CREB5: variants seen among roughly 807,000 people sequenced by gnomAD.
The protein encoded by CREB5 is cyclic AMP-responsive element-binding protein 5.
Under a neutral mutation model 57.1 loss-of-function variants are expected in CREB5, and 19 were observed. The observed-to-expected ratio is 0.33, with a 90% CI of 0.23 to 0.49. CREB5 has a LOEUF of 0.49. Ranked by LOEUF, CREB5 falls within the 20% of genes least tolerant of loss-of-function variation. The pLI, the probability that CREB5 is intolerant of heterozygous loss-of-function variation, is 0.99. For missense variants in CREB5, 579 were observed against 671.6 expected (o/e 0.86, Z 1.52); for synonymous variants, 238 against 238.3 (o/e 1.00, Z 0.01).
chr7:28,765,505 C>T (rs889686382), intron 7 of CREB5, among the ~76,000 whole-genome samples: 5 of 152,094 alleles, frequency 3.3e-5, no homozygotes, highest in African/African-American at 9.7e-5. Flanking sequence ...GCCACAAAAC[C>T]ACATTTGCCT....
intron 4 of CREB5, among the ~76,000 whole-genome samples, chr7:28,558,488 A>C: frequency 6.6e-6 from 1 of 152,214 alleles, no homozygotes; most frequent in East Asian, 1.9e-4. Flanking sequence ...TGGAAGAGGA[A>C]GTCTAACTTG....
At chr7:28,608,764 T>C (rs1263722956) in intron 5 of CREB5, among the ~76,000 whole-genome samples, 1 of 152,196 alleles carries the variant, frequency 6.6e-6, no homozygotes, top group East Asian at 1.9e-4. Flanking sequence ...GGTTGACATG[T>C]GTTGATATAT....
intron 5 of CREB5, among the ~76,000 whole-genome samples, chr7:28,642,985 C>CACACAA (rs1562544740): frequency 1.8e-5 from 2 of 108,688 alleles, no homozygotes; most frequent in East Asian, 5.9e-4. Context: ...CACACACACA[C>CACACAA]ATACACACAC....
chr7:28,338,346 GTCTT>G (rs1232129781), intron 1 of CREB5, among the ~76,000 whole-genome samples: 2 of 152,126 alleles, frequency 1.3e-5, no homozygotes, highest in Non-Finnish European at 2.9e-5. Context: ...ATCTGGGAAA[GTCTT>G]TATTTCTCCT....
intron 4 of CREB5, among the ~76,000 whole-genome samples, chr7:28,563,607 C>T (rs1795363966): frequency 6.6e-6 from 1 of 152,194 alleles, no homozygotes; most frequent in African/African-American, 2.4e-5. Context: ...CTCACTGCAG[C>T]CCCAACCTCC....
Position 28,448,690 on chromosome 7 carries a change from A to C in CREB5, c.3+35773A>C, listed in dbSNP as rs565351754. 2.6e-5 allele frequency among the ~76,000 whole-genome samples: 4 copies of C among 152,344 alleles called. No individual in the cohort carries two copies. The South Asian group carries it at 6.2e-4, about 24-fold the overall frequency. On this transcript the variant is annotated intron_variant, in intron 1 of 10. Transcript: ENST00000357727. ...AGAACATGTAAGGCCTGAATATTTT[A>C]GTCTCTGCAGGGGTAGATGGAGTCA...
chr7:28,311,762 TG>T (rs770047287), intron 1 of CREB5, among the ~76,000 whole-genome samples: 2 of 152,226 alleles, frequency 1.3e-5, no homozygotes, highest in African/African-American at 2.4e-5. Context: ...TGGACTTCCG[TG>T]GCTTGTCATT....
intron 5 of CREB5, among the ~76,000 whole-genome samples, chr7:28,696,808 A>G (rs1801593392): frequency 6.6e-6 from 1 of 152,054 alleles, no homozygotes; most frequent in East Asian, 1.9e-4. Flanking sequence ...ACGTATATAT[A>G]CACATACGTA....
intron 5 of CREB5, among the ~76,000 whole-genome samples, chr7:28,614,623 T>C (rs576725757): frequency 1.3e-5 from 2 of 152,328 alleles, no homozygotes; most frequent in African/African-American, 4.8e-5. Flanking sequence ...AATTCTTTCC[T>C]AGCTTCCAGC....
At position 28,822,203 on chromosome 7, in the gene CREB5, G is replaced by A. The variant is rs1345316253; in HGVS notation, c.*2924G>A. ...TGTTCTACTCAGGGCCTTTAGGTGT[G>A]TTCATTCACGGTATGGAAATACAGT... On this transcript the variant is annotated 3_prime_UTR_variant, in exon 11 of 11. Transcript: ENST00000357727. The A allele has an allele frequency of 1.3e-5, 2 of 152,214 alleles. No individual in the cohort carries two copies. Among genetic ancestry groups the A allele is most frequent in the African/African-American group, 4.8e-5 (2 of 41,450 alleles). The allele number at this position is 152,214 out of a possible 1,614,324, so 9.4% of individuals were successfully genotyped here.
In CREB5 at chr7:28,481,272, G is replaced by T. The variant is rs557539757; in HGVS notation, c.4-6903G>T. Among the ~76,000 whole-genome samples the T allele has an allele frequency of 2.6e-4, 39 of 152,342 alleles. No homozygotes were observed. The Middle Eastern group carries it at 0.01, about 40-fold the overall frequency. Reference sequence around the variant, plus strand: ...TATAAAGTGTGACGCAATCCCAAAGGGGGCTGTGATTCAGGTTGTAGGATT... The same window carrying T: ...TATAAAGTGTGACGCAATCCCAAAGTGGGCTGTGATTCAGGTTGTAGGATT... On this transcript the variant is annotated intron_variant, in intron 1 of 10. Coordinates refer to ENST00000357727, the MANE Select transcript of CREB5 (RefSeq NM_182898.4).
At chr7:28,321,175 A>G (rs1785489339) in intron 1 of CREB5, among the ~76,000 whole-genome samples, 1 of 152,346 alleles carries the variant, frequency 6.6e-6, no homozygotes, top group Admixed American at 6.5e-5. Context: ...GTGTTGTGAA[A>G]GTATTAGCTT....
chr7:28,538,522 A>T (rs2128626559), intron 4 of CREB5, among the ~76,000 whole-genome samples: 1 of 152,172 alleles, frequency 6.6e-6, no homozygotes, highest in East Asian at 1.9e-4. Context: ...GGGGTTGATC[A>T]ATTTTATTAG....
chr7:28,300,784 C>A (rs1418628111), intron 1 of CREB5, among the ~76,000 whole-genome samples: 1 of 152,174 alleles, frequency 6.6e-6, no homozygotes, highest in African/African-American at 2.4e-5. Context: ...CTTGGCTGCA[C>A]ATTAAACTCT....
intron 1 of CREB5, among the ~76,000 whole-genome samples, chr7:28,389,512 T>G (rs1439626428): frequency 2.0e-5 from 3 of 152,188 alleles, no homozygotes; most frequent in African/African-American, 7.2e-5. Context: ...TTTCTTCAAT[T>G]TAATCTTGTC....
chr7:28,720,192 G>A (rs1802947794), intron 6 of CREB5, among the ~76,000 whole-genome samples: 1 of 152,210 alleles, frequency 6.6e-6, no homozygotes, highest in Non-Finnish European at 1.5e-5. Flanking sequence ...GAAGATGGCT[G>A]GTGTATTCAC....
At position 28,496,506 on chromosome 7, in the gene CREB5, G is replaced by A. The variant is rs533798741; in HGVS notation, c.169+1507G>A. Among the ~76,000 whole-genome samples the A allele has an allele frequency of 5.4e-4, 82 of 152,232 alleles. 1 individual carries two copies. The highest frequency in any genetic ancestry group is 7.4e-4 in the Non-Finnish European group (50 of 68,020). On this transcript the variant is annotated intron_variant, in intron 3 of 10. Transcript: ENST00000357727. ...CCATTGTTATTGACAGGGGAGGAAG[G>A]GCACAGGTGATGGAGCTTCTGTCCC...
Position 28,507,696 on chromosome 7 carries a change from C to T in CREB5, c.250C>T (p.His84Tyr), listed in dbSNP as rs746185795. 12 of 1,610,880 alleles carry T rather than the reference C, an allele frequency of 7.4e-6. No individual in the cohort carries two copies. The Admixed American group carries it at 1.8e-4, about 25-fold the overall frequency. ...LFSELDCSLE[H>Y]EFRKAQEEES... ...CAGCGAGCTGGACTGCTCCCTGGAG[C>T]ACGAGTTCAGGAAGGCTCAGGAAGA... Residue 84 changes from histidine to tyrosine, a missense_variant, in exon 4 of 11, where the codon CAC becomes TAC. By Grantham distance (83) the His-to-Tyr change is moderately conservative. Transcript: ENST00000357727.
intron 5 of CREB5, among the ~76,000 whole-genome samples, chr7:28,643,266 A>G (rs1798753137): frequency 6.6e-6 from 1 of 152,162 alleles, no homozygotes; most frequent in Non-Finnish European, 1.5e-5. Context: ...GAAATTCCAA[A>G]AACACTTGCA....
Sources: allele counts gnomAD v4.1 joint callset (sites outside exome capture counted in the v4.1 genomes callset), GRCh38; gene constraint gnomAD v4.1.1; transcripts MANE v1.5; gene names NCBI Gene and HGNC (gene_info 2026-07-23, HGNC 2026-07-21).